Variants in DSCAML1 observed in about 807,000 individuals in gnomAD.
DSCAML1 encodes cell adhesion molecule DSCAML1.
DSCAML1 carries 38 observed loss-of-function variants against 200.5 expected under a neutral mutation model. The observed-to-expected ratio is 0.19, with a 90% CI of 0.15 to 0.25. DSCAML1 has a LOEUF of 0.25. DSCAML1 is among the 10% of genes least tolerant of loss of function. DSCAML1 has a pLI of 1.00. For missense variants in DSCAML1, 2,223 were observed against 2,858.8 expected, an observed-to-expected ratio of 0.78 and a Z score of 5.07; for synonymous variants, 1,215 against 1,165.0, an observed-to-expected ratio of 1.04 and a Z score of -0.87.
chr11:117,564,695 T>TA (rs2050724110), intron 3 of DSCAML1, among the ~76,000 whole-genome samples: 1 of 151,560 alleles, frequency 6.6e-6, no homozygotes, highest in Non-Finnish European at 1.5e-5. Flanking sequence ...CTTCCTATCC[T>TA]TCCTTCCTTT....
chr11:117,625,636 C>T (rs1255079926), intron 3 of DSCAML1, among the ~76,000 whole-genome samples: 1 of 152,170 alleles, frequency 6.6e-6, no homozygotes, highest in Non-Finnish European at 1.5e-5. Flanking sequence ...GTAGGGCTGG[C>T]CTTGACTGTC....
chr11:117,664,975 A>G (rs1409105926), intron 3 of DSCAML1, among the ~76,000 whole-genome samples: 1 of 152,158 alleles, frequency 6.6e-6, no homozygotes, highest in Non-Finnish European at 1.5e-5. Flanking sequence ...CCCCAGACCC[A>G]GCACCCTTTC....
intron 3 of DSCAML1, among the ~76,000 whole-genome samples, chr11:117,566,553 GT>G (rs71469137): frequency 3.1e-4 from 20 of 64,848 alleles, no homozygotes; most frequent in East Asian, 1.9e-3. Flanking sequence ...TTTTGCCTTG[GT>G]TTTTTTTTTG....
chr11:117,488,204 C>T (rs1216574856), intron 11 of DSCAML1, among the ~76,000 whole-genome samples: 2 of 152,234 alleles, frequency 1.3e-5, no homozygotes, highest in East Asian at 1.9e-4. Flanking sequence ...CCAAGGACCA[C>T]GGTGTCCTCC....
chr11:117,516,747 G>A lies in DSCAML1; in HGVS notation c.1511-8C>T. ...CCCGGATGCTGGGTGGGCCTGGGCA[G>A]GAGTCAGAAGAGAGGAGGAGGAGGA... On this transcript the variant is annotated splice_polypyrimidine_tract_variant and splice_region_variant and intron_variant, in intron 7 of 32. Transcript: ENST00000651296. The surrounding 1 kb of genome is among the most constrained non-coding windows in gnomAD (Gnocchi z 5.7). 1 of 1,608,146 alleles carries A rather than the reference G, an allele frequency of 6.2e-7. No individual in the cohort carries two copies. Among genetic ancestry groups the A allele is most frequent in the Non-Finnish European group, 8.5e-7 (1 of 1,176,324 alleles).
chr11:117,797,108 G>A lies in DSCAML1; in HGVS notation c.-29C>T. On this transcript the variant is annotated 5_prime_UTR_variant, in exon 1 of 33. Transcript: ENST00000651296. ...ATAAAGAGGCCCTATTCTCCGGGGA[G>A]GTGGTCCTGTGGCCGGCCGTGCGGC... 3 of 1,589,738 alleles carry A rather than the reference G, an allele frequency of 1.9e-6. No homozygotes were observed. The South Asian group carries it at 3.4e-5, about 18-fold the overall frequency.
At chr11:117,563,103 C>G (rs1369601420) in intron 3 of DSCAML1, among the ~76,000 whole-genome samples, 1 of 152,200 alleles carries the variant, frequency 6.6e-6, no homozygotes, top group African/African-American at 2.4e-5. Flanking sequence ...ACTGCAGCAC[C>G]AAGGCCATTT....
At position 117,526,233 on chromosome 11, in the gene DSCAML1, C is replaced by T. The variant is rs545662645; in HGVS notation, c.659-1150G>A. On this transcript the variant is annotated intron_variant, in intron 4 of 32. Coordinates refer to ENST00000651296, the MANE Select transcript of DSCAML1 (RefSeq NM_020693.4). ...GCCCCTCACCTACACAACACACCTC[C>T]GCTGCTTATCCTCAATGCCAAGGCC... 2.2e-4 allele frequency among the ~76,000 whole-genome samples: 33 copies of T among 152,306 alleles called. No homozygotes were observed. In the East Asian group the frequency reaches 2.7e-3, roughly 12 times the overall value.
chr11:117,815,024 A>G (rs575019787), intron 1 of DSCAML1, among the ~76,000 whole-genome samples: 1 of 152,224 alleles, frequency 6.6e-6, no homozygotes, highest in Non-Finnish European at 1.5e-5. Context: ...AGAATTCAGC[A>G]TGCTCCTGGC....
At position 117,438,887 on chromosome 11, in the gene DSCAML1, C is replaced by G; in HGVS notation, c.4241G>C (p.Arg1414Pro). 2 of 1,585,914 alleles carry G rather than the reference C, an allele frequency of 1.3e-6. No individual in the cohort carries two copies. Among genetic ancestry groups the G allele is most frequent in the Non-Finnish European group, 1.7e-6 (2 of 1,169,842 alleles). The change falls in exon 24 of 33, where the codon CGA (arginine) becomes CCA (proline). Residue 1414 changes from arginine (R) to proline (P), a missense_variant and splice_region_variant. Transcript: ENST00000651296. Reference protein sequence around the residue: ...IPGDNGGSSIRGFVLQYSVDN... With the variant: ...IPGDNGGSSIPGFVLQYSVDN... ...CCCGCATCCAGACCCCTCCTCACCTCGGATGGAGCTGCCCCCATTGTCACC... is the reference window on the plus strand; with the variant it reads ...CCCGCATCCAGACCCCTCCTCACCTGGGATGGAGCTGCCCCCATTGTCACC...
At chr11:117,446,156 GA>G (rs1203945879) in intron 20 of DSCAML1, among the ~76,000 whole-genome samples, 1 of 152,206 alleles carries the variant, frequency 6.6e-6, no homozygotes, top group Non-Finnish European at 1.5e-5. Flanking sequence ...CTGAGATCAG[GA>G]GTTTGAGACC....
chr11:117,486,364 AG>A (rs2049059493), intron 11 of DSCAML1, among the ~76,000 whole-genome samples: 2 of 149,628 alleles, frequency 1.3e-5, no homozygotes, highest in African/African-American at 5.1e-5. Context: ...CGGATGTGAA[AG>A]TGGCTGATGT....
At chr11:117,717,581 G>A (rs1227544274) in intron 3 of DSCAML1, among the ~76,000 whole-genome samples, 2 of 152,212 alleles carry the variant, frequency 1.3e-5, no homozygotes, top group Non-Finnish European at 2.9e-5. Context: ...ACTGGGCGTG[G>A]GACAGGGTAA....
chr11:117,570,162 G>C (rs1225629447), intron 3 of DSCAML1, among the ~76,000 whole-genome samples: 1 of 152,124 alleles, frequency 6.6e-6, no homozygotes, highest in Non-Finnish European at 1.5e-5. Context: ...ATGTGAGCTA[G>C]AATGGCGGGG....
At chr11:117,813,043 A>T (rs1158095078) in intron 1 of DSCAML1, among the ~76,000 whole-genome samples, 3 of 152,130 alleles carry the variant, frequency 2.0e-5, no homozygotes, top group Non-Finnish European at 4.4e-5. Context: ...ATACAGTCTG[A>T]TAACAGACCA....
At chr11:117,688,506 C>A (rs950895310) in intron 3 of DSCAML1, among the ~76,000 whole-genome samples, 1 of 152,218 alleles carries the variant, frequency 6.6e-6, no homozygotes, top group African/African-American at 2.4e-5. Context: ...CCCATTCCCG[C>A]CTCCTCCCCA....
chr11:117,583,291 C>T (rs542764024), intron 3 of DSCAML1, among the ~76,000 whole-genome samples: 36 of 152,268 alleles, frequency 2.4e-4, no homozygotes, highest in African/African-American at 8.4e-4. Flanking sequence ...GTCCTCCCTG[C>T]ACACTCCTCT....
intron 3 of DSCAML1, among the ~76,000 whole-genome samples, chr11:117,635,400 AGTG>A (rs972901201): frequency 2.0e-5 from 3 of 151,740 alleles, no homozygotes; most frequent in Admixed American, 6.6e-5. Flanking sequence ...ATGTGGTGCC[AGTG>A]GTTGAGTTTT....
At chr11:117,728,333 T>G (rs911887119) in intron 3 of DSCAML1, among the ~76,000 whole-genome samples, 2 of 152,204 alleles carry the variant, frequency 1.3e-5, no homozygotes, top group Non-Finnish European at 2.9e-5. Context: ...TCATATGTAA[T>G]GATGAAAGAG....
Sources: allele counts gnomAD v4.1 joint callset (sites outside exome capture counted in the v4.1 genomes callset), GRCh38; gene constraint gnomAD v4.1.1; non-coding constraint Gnocchi (gnomAD v3.1); transcripts MANE v1.5; gene names NCBI Gene and HGNC (gene_info 2026-07-23, HGNC 2026-07-21).